Variants in NEK11 observed in about 807,000 individuals in gnomAD.
NEK11 encodes NIMA related kinase 11, also known as serine/threonine-protein kinase Nek11.
NEK11 carries 72 observed loss-of-function variants against 80.7 expected under a neutral mutation model. The observed-to-expected ratio is 0.89, with a 90% CI of 0.74 to 1.08. NEK11 has a LOEUF of 1.08. Ranked by LOEUF, NEK11 falls within the 50% of genes least tolerant of loss-of-function variation. The probability of loss-of-function intolerance (pLI) is 0.00; values close to 1 mark genes in which losing one functional copy is unlikely to be tolerated. For missense variants in NEK11, 764 were observed against 763.6 expected (o/e 1.00, Z -0.01); for synonymous variants, 251 against 260.7 (o/e 0.96, Z 0.36).
At chr3:131,151,453 A>G (rs1039170705) in intron 7 of NEK11, among the ~76,000 whole-genome samples, 6 of 152,194 alleles carry the variant, frequency 3.9e-5, no homozygotes, top group African/African-American at 9.6e-5. Context: ...AAATAGTTCA[A>G]TGGTATTATT....
At chr3:131,278,465 G>A (rs1391613155) in intron 17 of NEK11, among the ~76,000 whole-genome samples, 5 of 152,220 alleles carry the variant, frequency 3.3e-5, no homozygotes, top group Admixed American at 1.3e-4. Context: ...GGGTGAACGG[G>A]TGGATAAGTG....
intron 16 of NEK11, among the ~76,000 whole-genome samples, chr3:131,272,463 C>CTTTTTTT (rs869304359): frequency 0.03 from 1,333 of 43,890 alleles, 238 homozygotes; most frequent in Non-Finnish European, 0.045. Flanking sequence ...GTTTTAGCTT[C>CTTTTTTT]TTTTTTTTTT....
chr3:131,307,383 A>G (rs1473210049), intron 17 of NEK11, among the ~76,000 whole-genome samples: 3 of 152,226 alleles, frequency 2.0e-5, no homozygotes, highest in Non-Finnish European at 2.9e-5. Context: ...ATTTGAAAAT[A>G]TATTTGTTCC....
At chr3:131,279,465 A>G (rs749894391) in intron 17 of NEK11, among the ~76,000 whole-genome samples, 3 of 152,236 alleles carry the variant, frequency 2.0e-5, no homozygotes, top group South Asian at 2.1e-4. Context: ...TTTGTATACA[A>G]TAAGATTCAC....
intron 3 of NEK11, among the ~76,000 whole-genome samples, chr3:131,073,305 T>C (rs1219471828): frequency 6.6e-6 from 1 of 152,220 alleles, no homozygotes; most frequent in East Asian, 1.9e-4. Flanking sequence ...GAATTTTTGT[T>C]TATCCTCTTC....
At chr3:131,119,823 G>T (rs9875467) in intron 5 of NEK11, among the ~76,000 whole-genome samples, 1 of 152,028 alleles carries the variant, frequency 6.6e-6, no homozygotes, top group East Asian at 1.9e-4. Context: ...TTGTTTTCCA[G>T]TTGCTTGGTA....
At chr3:131,090,555 T>C (rs563624512) in intron 4 of NEK11, among the ~76,000 whole-genome samples, 2 of 152,338 alleles carry the variant, frequency 1.3e-5, no homozygotes, top group African/African-American at 4.8e-5. Context: ...AAGAATTTCT[T>C]AGACCAACGC....
At chr3:131,222,829 G>A (rs140379862) in intron 14 of NEK11, among the ~76,000 whole-genome samples, 9 of 152,262 alleles carry the variant, frequency 5.9e-5, no homozygotes, top group Admixed American at 1.3e-4. Flanking sequence ...CCAGAGATCC[G>A]TTTTAACAAG....
chr3:131,137,735 G>T (rs1050246113), intron 7 of NEK11, among the ~76,000 whole-genome samples: 1 of 152,070 alleles, frequency 6.6e-6, no homozygotes, highest in Non-Finnish European at 1.5e-5. Context: ...AATTTTAAAA[G>T]GGTTAATAAC....
At chr3:131,102,643 A>G (rs1013549088) in intron 4 of NEK11, among the ~76,000 whole-genome samples, 11 of 152,090 alleles carry the variant, frequency 7.2e-5, no homozygotes, top group African/African-American at 2.7e-4. Context: ...TCTGATGACT[A>G]TGTGCCTTGG....
intron 17 of NEK11, among the ~76,000 whole-genome samples, chr3:131,278,169 G>T (rs902239767): frequency 9.9e-5 from 15 of 152,168 alleles, no homozygotes; most frequent in African/African-American, 3.6e-4. Context: ...CCAGACATTT[G>T]CCATTCTCCA....
chr3:131,190,250 G>A lies in NEK11; in HGVS notation c.1399+19363G>A, dbSNP rs1560876234. ...TGCCCGGCACTGTCCTGTGCACTGAGGATTCAGGAGTGAACAAAGCAGACA... is the reference window on the plus strand; with the variant it reads ...TGCCCGGCACTGTCCTGTGCACTGAAGATTCAGGAGTGAACAAAGCAGACA... On this transcript the variant is annotated intron_variant, in intron 14 of 17. Coordinates refer to ENST00000383366, the MANE Select transcript of NEK11 (RefSeq NM_024800.5). 3.9e-5 allele frequency among the ~76,000 whole-genome samples: 6 copies of A among 152,164 alleles called. No homozygotes were observed. In the South Asian group the frequency reaches 1.2e-3, roughly 31 times the overall value.
chr3:131,184,089 T>C (rs1205294774), intron 14 of NEK11, among the ~76,000 whole-genome samples: 2 of 152,232 alleles, frequency 1.3e-5, no homozygotes, highest in African/African-American at 4.8e-5. Context: ...CTATAATCAT[T>C]GCTCTCTCAG....
chr3:131,027,130 C>A (rs1267236848), intron 1 of NEK11, 124 bp downstream of exon 1: 1 of 152,280 alleles, frequency 6.6e-6, no homozygotes, highest in African/African-American at 2.4e-5. Context: ...TCCTCGCTTT[C>A]CTGGACATCT....
At chr3:131,243,567 T>C (rs1371885826) in intron 16 of NEK11, 71 bp downstream of exon 16, 1 of 1,322,226 alleles carries the variant, frequency 7.6e-7, no homozygotes, top group Non-Finnish European at 1.1e-6. Flanking sequence ...TTGGAAGAAA[T>C]CTTACAGGTG....
chr3:131,062,479 TC>T (rs141725518), intron 3 of NEK11, among the ~76,000 whole-genome samples: 2,009 of 152,290 alleles, frequency 0.013, 38 homozygotes, highest in African/African-American at 0.045. Context: ...AATACACATT[TC>T]TAATAGTTTT....
At chr3:131,146,714 T>G (rs1366398049) in intron 7 of NEK11, among the ~76,000 whole-genome samples, 1 of 152,112 alleles carries the variant, frequency 6.6e-6, no homozygotes, top group Non-Finnish European at 1.5e-5. Context: ...CTTGGTATTG[T>G]CTGTCTTTTT....
At chr3:131,142,875 G>T (rs2087255731) in intron 7 of NEK11, among the ~76,000 whole-genome samples, 1 of 152,126 alleles carries the variant, frequency 6.6e-6, no homozygotes, top group African/African-American at 2.4e-5. Context: ...AATCTTCCTT[G>T]AAACATTGTA....
chr3:131,142,435 T>C (rs1408710743), intron 7 of NEK11, among the ~76,000 whole-genome samples: 2 of 150,524 alleles, frequency 1.3e-5, no homozygotes, highest in African/African-American at 4.8e-5. Flanking sequence ...CTGTCCATCA[T>C]AAAAGAGCCT....
Sources: gnomAD v4.1 joint callset for allele counts (sites outside exome capture counted in the v4.1 genomes callset) on GRCh38, gnomAD v4.1.1 for gene constraint, MANE v1.5 for transcripts, NCBI Gene and HGNC (gene_info 2026-07-23, HGNC 2026-07-21) for gene names.